ADAMTS19: variants seen among roughly 807,000 people sequenced by gnomAD.
ADAMTS19 encodes A disintegrin and metalloproteinase with thrombospondin motifs 19.
In ADAMTS19, 93 loss-of-function variants were observed where a neutral mutation model predicts 153.3. The ratio of observed to expected loss-of-function variants is 0.61; its 90% CI spans 0.51 to 0.72. ADAMTS19 has a LOEUF of 0.72. Ranked by LOEUF, ADAMTS19 falls within the 30% of genes least tolerant of loss-of-function variation. The pLI is 0.00. For synonymous variants in ADAMTS19, 600 were observed against 556.6 expected (o/e 1.08, Z -1.10); for missense variants, 1,482 against 1,552.1 (o/e 0.95, Z 0.76).
intron 2 of ADAMTS19, among the ~76,000 whole-genome samples, chr5:129,471,201 G>T (rs1156514428): frequency 1.3e-5 from 2 of 151,968 alleles, no homozygotes; most frequent in Admixed American, 1.3e-4. Context: ...AAGTTAAAAA[G>T]AATCTAAGAT....
At chr5:129,474,376 T>A (rs1750159379) in intron 2 of ADAMTS19, among the ~76,000 whole-genome samples, 1 of 152,174 alleles carries the variant, frequency 6.6e-6, no homozygotes, top group Non-Finnish European at 1.5e-5. Context: ...TGTGTACATG[T>A]CTTTGTGTAG....
At chr5:129,479,839 A>T (rs1488064369) in intron 2 of ADAMTS19, among the ~76,000 whole-genome samples, 1 of 152,306 alleles carries the variant, frequency 6.6e-6, no homozygotes, top group East Asian at 1.9e-4. Context: ...ATGGAGATAC[A>T]TACAAAGCTC....
At chr5:129,528,929 C>T (rs1752107490) in intron 6 of ADAMTS19, among the ~76,000 whole-genome samples, 1 of 152,042 alleles carries the variant, frequency 6.6e-6, no homozygotes, top group Admixed American at 6.6e-5. Context: ...ACCTCAAAGG[C>T]ATAGTCATTG....
intron 8 of ADAMTS19, among the ~76,000 whole-genome samples, chr5:129,618,762 A>G (rs1335674348): frequency 6.6e-6 from 1 of 152,042 alleles, no homozygotes; most frequent in African/African-American, 2.4e-5. Context: ...AGAAAAGAGA[A>G]TAATGGACTA....
At chr5:129,690,711 C>A (rs529174654) in intron 18 of ADAMTS19, among the ~76,000 whole-genome samples, 9 of 152,034 alleles carry the variant, frequency 5.9e-5, no homozygotes, top group African/African-American at 2.2e-4. Context: ...ATCTAGGAAG[C>A]GCTCAGAGAA....
chr5:129,723,960 G>T (rs539499893), intron 21 of ADAMTS19, among the ~76,000 whole-genome samples: 5 of 152,226 alleles, frequency 3.3e-5, no homozygotes, highest in Admixed American at 1.3e-4. Flanking sequence ...TTGATTGAAA[G>T]AATTTATTTA....
chr5:129,527,674 C>CATGT, intron 4 of ADAMTS19, 74 bp from the exon 5 acceptor site: 1 of 628,060 alleles, frequency 1.6e-6, no homozygotes, highest in Admixed American at 2.9e-5. Context: ...GAGACATCTC[C>CATGT]ATGTATGGGC....
chr5:129,657,857 T>C (rs1386357789), intron 14 of ADAMTS19, among the ~76,000 whole-genome samples: 1 of 152,216 alleles, frequency 6.6e-6, no homozygotes, highest in Non-Finnish European at 1.5e-5. Context: ...CTGTTCCTTG[T>C]TGAGTAGAAG....
intron 15 of ADAMTS19, among the ~76,000 whole-genome samples, chr5:129,659,069 A>T (rs1753716346): frequency 6.6e-6 from 1 of 152,198 alleles, no homozygotes; most frequent in Non-Finnish European, 1.5e-5. Context: ...GAAAATAATG[A>T]TTTGTAACAG....
intron 21 of ADAMTS19, among the ~76,000 whole-genome samples, chr5:129,706,533 C>T (rs1231389474): frequency 2.0e-5 from 3 of 149,436 alleles, no homozygotes; most frequent in Non-Finnish European, 3.0e-5. Context: ...AACGCCATTG[C>T]GCTCCAGCCT....
chr5:129,689,917 T>C (rs1755255373), intron 18 of ADAMTS19, among the ~76,000 whole-genome samples: 1 of 152,224 alleles, frequency 6.6e-6, no homozygotes, highest in Non-Finnish European at 1.5e-5. Flanking sequence ...TGATTTTTAA[T>C]ACCTAAGCGA....
intron 3 of ADAMTS19, among the ~76,000 whole-genome samples, chr5:129,513,310 C>T (rs550137485): frequency 2.0e-5 from 3 of 151,852 alleles, no homozygotes; most frequent in Admixed American, 2.0e-4. Flanking sequence ...TCATCTCTTT[C>T]TACCACTTCT....
At chr5:129,506,933 C>A (rs1318919715) in intron 2 of ADAMTS19, among the ~76,000 whole-genome samples, 1 of 151,702 alleles carries the variant, frequency 6.6e-6, no homozygotes, top group Non-Finnish European at 1.5e-5. Flanking sequence ...CTCCAAATAA[C>A]CCTATGAAGT....
Position 129,509,253 on chromosome 5 carries a change from TCTC to T in ADAMTS19, c.913+14_913+16del. The T allele has an allele frequency of 2.5e-6, 4 of 1,605,114 alleles. No individual in the cohort carries two copies. The highest frequency in any genetic ancestry group is 3.4e-6 in the Non-Finnish European group (4 of 1,175,868). On this transcript the variant is annotated intron_variant, in intron 3 of 22. Coordinates refer to ENST00000274487, the MANE Select transcript of ADAMTS19 (RefSeq NM_133638.6). ...GTGGTATCATTTCAGGTAAATGCCT[TCTC>T]CTGAAAGAGTTTTAAGTAAATATTC...
At chr5:129,678,304 C>A (rs2127112638) in intron 16 of ADAMTS19, among the ~76,000 whole-genome samples, 1 of 152,186 alleles carries the variant, frequency 6.6e-6, no homozygotes, top group South Asian at 2.1e-4. Context: ...CTAGAATGCC[C>A]TTTCCCTTAT....
intron 8 of ADAMTS19, among the ~76,000 whole-genome samples, chr5:129,600,892 C>T (rs4596416): frequency 0.59 from 88,838 of 151,004 alleles, 27,642 homozygotes; most frequent in Non-Finnish European, 0.7. Flanking sequence ...ATTATTGAGA[C>T]GGGGTCTCCC....
At chr5:129,526,167 CT>C in intron 3 of ADAMTS19, 116 bp from the exon 4 acceptor site, 2 of 831,218 alleles carry the variant, frequency 2.4e-6, no homozygotes, top group Non-Finnish European at 3.5e-6. Flanking sequence ...GCCAAATGCC[CT>C]TTAAGATTTT....
In ADAMTS19 at chr5:129,652,882, C is replaced by T. The variant is rs192593444; in HGVS notation, c.2177-1424C>T. Reference sequence around the variant, plus strand: ...GCTGTTTTTAAGTTCAAAGATATGACATAGTAAGCAGTCATTGAATAAACA... The same window carrying T: ...GCTGTTTTTAAGTTCAAAGATATGATATAGTAAGCAGTCATTGAATAAACA... On this transcript the variant is annotated intron_variant, in intron 13 of 22. Coordinates refer to ENST00000274487, the MANE Select transcript of ADAMTS19 (RefSeq NM_133638.6). Among the ~76,000 whole-genome samples the T allele has an allele frequency of 2.4e-4, 37 of 152,202 alleles. No individual in the cohort carries two copies. The East Asian group carries it at 6.4e-3, about 26-fold the overall frequency.
intron 14 of ADAMTS19, among the ~76,000 whole-genome samples, chr5:129,657,322 G>C (rs1433425896): frequency 6.6e-6 from 1 of 152,124 alleles, no homozygotes; most frequent in African/African-American, 2.4e-5. Flanking sequence ...CAGTCACAAA[G>C]ATTCTGTTTT....
Sources: gnomAD v4.1 joint callset for allele counts (sites outside exome capture counted in the v4.1 genomes callset) on GRCh38, gnomAD v4.1.1 for gene constraint, MANE v1.5 for transcripts, NCBI Gene and HGNC (gene_info 2026-07-23, HGNC 2026-07-21) for gene names.